ACOT1: variants seen among roughly 807,000 people sequenced by gnomAD.
ACOT1 encodes the protein acyl-CoA thioesterase 1, also known as acyl-coenzyme A thioesterase 1.
Under a neutral mutation model 15.7 loss-of-function variants are expected in ACOT1, and 8 were observed. The observed-to-expected ratio is 0.51, with a 90% confidence interval of 0.30 to 0.92. The LOEUF is 0.92. ACOT1 is among the 40% of genes least tolerant of loss of function. ACOT1 has a pLI of 0.06. For missense variants in ACOT1, 151 were observed against 539.4 expected, an observed-to-expected ratio of 0.28 and a Z score of 7.13; for synonymous variants, 67 against 241.2, an observed-to-expected ratio of 0.28 and a Z score of 6.69.
the ACOT1 span, chr14:73,493,118 A>C: frequency 3.7e-6 from 6 of 1,612,698 alleles, no homozygotes; most frequent in Non-Finnish European, 5.1e-6. Context: ...AGGAAGAACC[A>C]TCTCATCTAG....
chr14:73,522,720 C>T, the ACOT1 span: 94 of 1,614,076 alleles, frequency 5.8e-5, no homozygotes, highest in East Asian at 1.8e-3. Flanking sequence ...AGCTTCTTTT[C>T]GGGATTGGCA....
chr14:73,501,171 T>C, the ACOT1 span, among the ~76,000 whole-genome samples: 1 of 152,188 alleles, frequency 6.6e-6, no homozygotes, highest in Admixed American at 6.5e-5. Flanking sequence ...CAGGCTGGAG[T>C]GCAGTGGCTG....
At chr14:73,525,102 T>A in the ACOT1 span, among the ~76,000 whole-genome samples, 1 of 152,174 alleles carries the variant, frequency 6.6e-6, no homozygotes, top group Non-Finnish European at 1.5e-5. Flanking sequence ...CGATCATAGC[T>A]CACTGCAGCC....
the ACOT1 span, chr14:73,531,046 T>TA: frequency 9.6e-6 from 1 of 103,688 alleles, no homozygotes. Flanking sequence ...TTTTGACACC[T>TA]AATCCAAAGT....
the ACOT1 span, chr14:73,502,997 A>G: frequency 6.2e-7 from 1 of 1,613,610 alleles, no homozygotes; most frequent in Non-Finnish European, 8.5e-7. Context: ...CAGCTGGATC[A>G]ACTTATGTTT....
At chr14:73,512,085 G>C in the ACOT1 span, 2 of 1,614,146 alleles carry the variant, frequency 1.2e-6, no homozygotes, top group Non-Finnish European at 1.7e-6. Flanking sequence ...TGATCCGAAC[G>C]TCATCATGCA....
the ACOT1 span, among the ~76,000 whole-genome samples, chr14:73,519,512 G>A: frequency 1.7e-3 from 254 of 152,078 alleles, 1 homozygote; most frequent in African/African-American, 5.8e-3. Flanking sequence ...TTGGGAGGCC[G>A]AGGTGGGTGG....
chr14:73,514,026 C>T, the ACOT1 span: 1 of 1,613,980 alleles, frequency 6.2e-7, no homozygotes, highest in East Asian at 2.2e-5. Flanking sequence ...CCTCCCTTCA[C>T]TCACTCAGAG....
At position 73,537,813 on chromosome 14, in the gene ACOT1, C is replaced by T. The variant is rs193163333; in HGVS notation, c.392C>T (p.Pro131Leu). ...GTGCGGCACGAGCGCTACTTCCTCC[C>T]GCCCGGGGTGCGGCGCGAGCCGGTG... ...CRVRHERYFL[P>L]PGVRREPVRA... is the part of the protein sequence containing the mutation. The change falls in exon 1 of 3, where the codon CCG becomes CTG. Residue 131 changes from proline to leucine, a missense_variant. Coordinates refer to ENST00000311148, the MANE Select transcript of ACOT1 (RefSeq NM_001037161.2). The T allele has an allele frequency of 3.7e-3, 4,547 of 1,214,170 alleles. 1,177 individuals are homozygous for T. The African/African-American group carries it at 0.065, about 17-fold the overall frequency. 75.2% of individuals were successfully genotyped at this position (1,214,170 alleles called of 1,614,324 possible).
the ACOT1 span, chr14:73,492,039 A>G: frequency 3.1e-6 from 5 of 1,613,920 alleles, no homozygotes; most frequent in Non-Finnish European, 3.4e-6. The surrounding 1 kb of genome is among the most constrained non-coding windows in gnomAD (Gnocchi z 4.9). Context: ...GCCCCCCACT[A>G]CGACGACATC....
the ACOT1 span, chr14:73,498,051 T>C: frequency 1.5e-5 from 16 of 1,063,936 alleles, no homozygotes; most frequent in African/African-American, 2.5e-4. Context: ...CCAGTGCTTT[T>C]ACTGCCATTA....
the ACOT1 span, chr14:73,498,147 G>C: frequency 6.2e-7 from 1 of 1,601,074 alleles, no homozygotes; most frequent in Non-Finnish European, 8.5e-7. Flanking sequence ...CAGAGGTTTA[G>C]TGCTTACTTT....
chr14:73,495,025 G>C, the ACOT1 span, among the ~76,000 whole-genome samples: 1 of 148,184 alleles, frequency 6.7e-6, no homozygotes, highest in Non-Finnish European at 1.5e-5. Flanking sequence ...TTTTAAGGGA[G>C]AAAATAAATG....
At chr14:73,529,720 A>C in the ACOT1 span, among the ~76,000 whole-genome samples, 1 of 152,204 alleles carries the variant, frequency 6.6e-6, no homozygotes, top group Non-Finnish European at 1.5e-5. Context: ...AAGTGGTCAA[A>C]GTAGGTTGAG....
the ACOT1 span, among the ~76,000 whole-genome samples, chr14:73,511,554 AATAAATAAATAAAAT>A: frequency 2.0e-5 from 2 of 100,938 alleles, no homozygotes; most frequent in African/African-American, 6.7e-5. Flanking sequence ...TAAATAAATA[AATAAATAAATAAAAT>A]AAAATAAAAA....
At chr14:73,519,296 A>G in the ACOT1 span, 2 of 741,954 alleles carry the variant, frequency 2.7e-6, no homozygotes, top group East Asian at 5.3e-5. Flanking sequence ...TGACTGCCAT[A>G]CTCTGGGGCA....
the ACOT1 span, among the ~76,000 whole-genome samples, chr14:73,504,106 T>C: frequency 1.9e-4 from 29 of 150,794 alleles, no homozygotes; most frequent in South Asian, 6.1e-3. Flanking sequence ...AGACGGAGTT[T>C]CACTCTTGTT....
rs1888945978 is a variant in ACOT1, at chr14:73,538,324, A to T, written c.457+446A>T. 1.8e-5 allele frequency among the ~76,000 whole-genome samples: 2 copies of T among 113,870 alleles called. 1 individual carries two copies. The highest frequency in any genetic ancestry group is 2.0e-4 in the Admixed American group (2 of 10,068). 74.7% of individuals were successfully genotyped at this position (113,870 alleles called of 152,430 possible). On this transcript the variant is annotated intron_variant, in intron 1 of 2. Coordinates refer to ENST00000311148, the MANE Select transcript of ACOT1 (RefSeq NM_001037161.2). ...CAAACCTAGTGCTCAGTTAAAAGAC[A>T]TTGTAAGGGCTGGGCGCGCTGGCTC...
the ACOT1 span, among the ~76,000 whole-genome samples, chr14:73,505,744 A>T: frequency 6.6e-6 from 1 of 151,596 alleles, no homozygotes; most frequent in Non-Finnish European, 1.5e-5. Context: ...CAGCACAGAC[A>T]CTCATTTAGA....
Sources: gnomAD v4.1 joint callset for allele counts (sites outside exome capture counted in the v4.1 genomes callset) on GRCh38, gnomAD v4.1.1 for gene constraint, Gnocchi (gnomAD v3.1) non-coding constraint, MANE v1.5 for transcripts, NCBI Gene and HGNC (gene_info 2026-07-23, HGNC 2026-07-21) for gene names.